PPP1R16B: variants seen among roughly 807,000 people sequenced by gnomAD.
PPP1R16B encodes the protein protein phosphatase 1 regulatory inhibitor subunit 16B.
PPP1R16B carries 14 observed loss-of-function variants against 61.7 expected under a neutral mutation model. The ratio of observed to expected loss-of-function variants is 0.23; its 90% confidence interval spans 0.15 to 0.35. PPP1R16B has a LOEUF of 0.35. Ranked by LOEUF, PPP1R16B falls within the 10% of genes least tolerant of loss-of-function variation. The pLI, the probability that PPP1R16B is intolerant of heterozygous loss-of-function variation, is 1.00. For synonymous variants in PPP1R16B, 266 were observed against 305.3 expected, an observed-to-expected ratio of 0.87 and a Z score of 1.34; for missense variants, 547 against 752.5, an observed-to-expected ratio of 0.73 and a Z score of 3.19.
At chr20:38,846,524 T>G (rs1380775895) in intron 2 of PPP1R16B, among the ~76,000 whole-genome samples, 5 of 152,186 alleles carry the variant, frequency 3.3e-5, no homozygotes, top group Non-Finnish European at 5.9e-5. Flanking sequence ...CAAATGCTGT[T>G]GAGGGGTTGA....
intron 1 of PPP1R16B, among the ~76,000 whole-genome samples, chr20:38,810,197 C>T (rs952815733): frequency 6.6e-6 from 1 of 152,176 alleles, no homozygotes; most frequent in African/African-American, 2.4e-5. Context: ...ACAGCATGTG[C>T]AGAGGCACCG....
rs186640174 is a variant in PPP1R16B at position 38,817,496 on chromosome 20, C to T, written c.-102+11704C>T. ...AAGAGAATCACTTGAACCTGGGAGC[C>T]GGAAGCTGTAGTGAGCAGAGATCGC... On this transcript the variant is annotated intron_variant, in intron 1 of 10. Transcript: ENST00000299824. Among the ~76,000 whole-genome samples, 8 of 148,372 alleles carry T rather than the reference C, an allele frequency of 5.4e-5. No individual in the cohort carries two copies. The East Asian group carries it at 1.2e-3, about 22-fold the overall frequency.
rs929365660 is a variant in PPP1R16B, at chr20:38,922,056, T to A, written c.*3390T>A. On this transcript the variant is annotated 3_prime_UTR_variant, in exon 11 of 11. Coordinates refer to ENST00000299824, the MANE Select transcript of PPP1R16B (RefSeq NM_015568.4). ...ATCATATGCCCCAAACAACTGAAAG[T>A]TGGCGGTTATCACCAGACTGTGAGT... 1 of 152,278 alleles carries A rather than the reference T, an allele frequency of 6.6e-6. No individual in the cohort carries two copies. The highest frequency in any genetic ancestry group is 2.4e-5 in the African/African-American group (1 of 41,472). 9.4% of individuals were successfully genotyped at this position (152,278 alleles called of 1,614,324 possible). A position where few individuals can be genotyped will look rare whatever the true frequency, so the allele number is the denominator to read the frequency against.
chr20:38,807,362 G>A (rs74698215), intron 1 of PPP1R16B, among the ~76,000 whole-genome samples: 3,997 of 152,352 alleles, frequency 0.026, 95 homozygotes, highest in Admixed American at 0.073. Context: ...ATGAGGGAGA[G>A]GCTGGGTGCA....
At chr20:38,814,597 T>G (rs1399041568) in intron 1 of PPP1R16B, among the ~76,000 whole-genome samples, 1 of 152,184 alleles carries the variant, frequency 6.6e-6, no homozygotes, top group Non-Finnish European at 1.5e-5. Flanking sequence ...TCATTAGAGT[T>G]AGTCCCTAGG....
intron 2 of PPP1R16B, among the ~76,000 whole-genome samples, chr20:38,850,026 A>G (rs1009615367): frequency 6.6e-6 from 1 of 152,222 alleles, no homozygotes; most frequent in African/African-American, 2.4e-5. Context: ...GAGAGTTCAA[A>G]GATAGCACAG....
intron 1 of PPP1R16B, among the ~76,000 whole-genome samples, chr20:38,817,589 TTGAGACAATATTG>T (rs2084744969): frequency 1.4e-5 from 2 of 147,468 alleles, no homozygotes; most frequent in African/African-American, 5.0e-5. Flanking sequence ...AAAAAAGACA[TTGAGACAATATTG>T]TCTAAATGAG....
chr20:38,835,796 G>T lies in PPP1R16B; in HGVS notation c.-101-29G>T. 2.7e-6 allele frequency: 3 copies of T among 1,122,174 alleles called. No homozygotes were observed. The South Asian group carries it at 4.9e-5, about 18-fold the overall frequency. 69.5% of individuals were successfully genotyped at this position (1,122,174 alleles called of 1,614,324 possible). On this transcript the variant is annotated intron_variant, in intron 1 of 10. Coordinates refer to ENST00000299824, the MANE Select transcript of PPP1R16B (RefSeq NM_015568.4). ...CTGAGTTGTGGAGTCTGACACATGT[G>T]TTCATCTGTGTCTCCCTCCCTGCCA...
intron 10 of PPP1R16B, among the ~76,000 whole-genome samples, chr20:38,908,535 G>A (rs73110606): frequency 0.15 from 23,363 of 152,272 alleles, 1,988 homozygotes; most frequent in East Asian, 0.3. Flanking sequence ...TCCAAGGAGA[G>A]AGCTTCAGTA....
At chr20:38,820,302 T>C (rs925788536) in intron 1 of PPP1R16B, among the ~76,000 whole-genome samples, 2 of 152,238 alleles carry the variant, frequency 1.3e-5, no homozygotes, top group Non-Finnish European at 2.9e-5. Flanking sequence ...CTCATGCCTG[T>C]AATCCCAGCA....
chr20:38,897,190 G>C (rs1430714663), intron 4 of PPP1R16B, among the ~76,000 whole-genome samples: 1 of 152,134 alleles, frequency 6.6e-6, no homozygotes, highest in Non-Finnish European at 1.5e-5. Context: ...AGCTGGGTGT[G>C]GTGGCTCACG....
At chr20:38,834,163 C>CT (rs1334764404) in intron 1 of PPP1R16B, among the ~76,000 whole-genome samples, 4 of 152,186 alleles carry the variant, frequency 2.6e-5, no homozygotes, top group African/African-American at 9.7e-5. Flanking sequence ...AGGGCCAGCT[C>CT]TTTTTTAAAA....
chr20:38,875,760 C>G (rs1380823300), intron 2 of PPP1R16B, among the ~76,000 whole-genome samples: 1 of 151,284 alleles, frequency 6.6e-6, no homozygotes, highest in Non-Finnish European at 1.5e-5. Context: ...GGGGTAGAGA[C>G]AGTGGGGACA....
intron 10 of PPP1R16B, among the ~76,000 whole-genome samples, chr20:38,916,118 T>G (rs1385648966): frequency 6.8e-6 from 1 of 147,202 alleles, no homozygotes; most frequent in Non-Finnish European, 1.5e-5. Flanking sequence ...GTAATCCCAG[T>G]GCTTTGGGAG....
chr20:38,865,195 T>G (rs1014833086), intron 2 of PPP1R16B, among the ~76,000 whole-genome samples: 1 of 152,030 alleles, frequency 6.6e-6, no homozygotes, highest in Non-Finnish European at 1.5e-5. Context: ...CTTCATACTC[T>G]GCCTCCTTGG....
chr20:38,834,625 C>G (rs1460075607), intron 1 of PPP1R16B, among the ~76,000 whole-genome samples: 1 of 151,998 alleles, frequency 6.6e-6, no homozygotes, highest in Non-Finnish European at 1.5e-5. Flanking sequence ...CTTAGGATTT[C>G]TTTAGTTCCT....
At chr20:38,851,325 C>T (rs2084967753) in intron 2 of PPP1R16B, among the ~76,000 whole-genome samples, 1 of 151,724 alleles carries the variant, frequency 6.6e-6, no homozygotes, top group Non-Finnish European at 1.5e-5. Flanking sequence ...ATTAGCTGGG[C>T]ATGGTGGTGC....
chr20:38,918,960 G>T lies in PPP1R16B; in HGVS notation c.*294G>T. On this transcript the variant is annotated 3_prime_UTR_variant, in exon 11 of 11. Coordinates refer to ENST00000299824, the MANE Select transcript of PPP1R16B (RefSeq NM_015568.4). This position sits in a 1 kb window ranked among gnomAD's most constrained non-coding sequence, Gnocchi z 5.3. ...GGCTTGAGATCCCAGCTCTATTCTTGGTATAAAGGCTTCTCCGGATCAGTA... is the reference window on the plus strand; with the variant it reads ...GGCTTGAGATCCCAGCTCTATTCTTTGTATAAAGGCTTCTCCGGATCAGTA... The T allele has an allele frequency of 2.9e-6, 1 of 343,680 alleles. No individual in the cohort carries two copies. Among genetic ancestry groups the T allele is most frequent in the Non-Finnish European group, 5.3e-6 (1 of 189,586 alleles). 21.3% of individuals were successfully genotyped at this position (343,680 alleles called of 1,614,324 possible).
chr20:38,856,871 C>T (rs2085012343), intron 2 of PPP1R16B, among the ~76,000 whole-genome samples: 1 of 152,252 alleles, frequency 6.6e-6, no homozygotes, highest in Non-Finnish European at 1.5e-5. Flanking sequence ...ATGGTTACTT[C>T]TACATGGAGC....
Sources: allele counts gnomAD v4.1 joint callset (sites outside exome capture counted in the v4.1 genomes callset), GRCh38; gene constraint gnomAD v4.1.1; non-coding constraint Gnocchi (gnomAD v3.1); transcripts MANE v1.5; gene names NCBI Gene and HGNC (gene_info 2026-07-23, HGNC 2026-07-21).